RLF: variants seen among roughly 807,000 people sequenced by gnomAD.
The protein encoded by RLF is zinc finger protein Rlf.
In RLF, 7 loss-of-function variants were observed where a neutral mutation model predicts 162.9. The ratio of observed to expected loss-of-function variants is 0.04; its 90% CI spans 0.02 to 0.08. RLF has a LOEUF of 0.08. Among genes scored for constraint, RLF ranks in the 10% least tolerant of loss-of-function variants. The pLI, the probability that RLF is intolerant of heterozygous loss-of-function variation, is 1.00. For synonymous variants in RLF, 782 were observed against 791.5 expected, an observed-to-expected ratio of 0.99 and a Z score of 0.20; for missense variants, 1,664 against 2,244.7, an observed-to-expected ratio of 0.74 and a Z score of 5.23.
intron 5 of RLF, among the ~76,000 whole-genome samples, chr1:40,208,190 T>G (rs1205605980): frequency 2.0e-5 from 3 of 152,134 alleles, no homozygotes; most frequent in Non-Finnish European, 2.9e-5. Context: ...AGAATGCTAG[T>G]CATCTTTGTT....
rs369424534 is a variant in RLF, at chr1:40,237,787, C to G, written c.3085C>G (p.His1029Asp). 18 of 1,613,958 alleles carry G rather than the reference C, an allele frequency of 1.1e-5. No individual in the cohort carries two copies. The highest frequency in any genetic ancestry group is 1.2e-5 in the Non-Finnish European group (14 of 1,180,012). ...NSDSPDEGLD[H>D]NIHIKCKREH... ...TGACTCCCCAGATGAAGGTCTAGAT[C>G]ACAATATTCACATTAAATGTAAACG... Residue 1029 changes from histidine (H) to aspartate (D), a missense_variant, in exon 8 of 8, where the codon CAC (histidine) becomes GAC (aspartate). His to Asp is a moderately conservative substitution (Grantham distance 81, BLOSUM62 -1). Transcript: ENST00000372771. The surrounding 1 kb of genome is among the most constrained non-coding windows in gnomAD (Gnocchi z 4.4).
At chr1:40,226,434 A>T (rs1018809999) in intron 6 of RLF, among the ~76,000 whole-genome samples, 2 of 152,194 alleles carry the variant, frequency 1.3e-5, no homozygotes, top group Non-Finnish European at 2.9e-5. Flanking sequence ...TGAGTATTTG[A>T]TAGACTGGCC....
chr1:40,216,496 A>G (rs973702985), intron 5 of RLF, among the ~76,000 whole-genome samples: 5 of 150,230 alleles, frequency 3.3e-5, no homozygotes, highest in African/African-American at 9.7e-5. Flanking sequence ...CTAAAAAAAA[A>G]AAAAAGAGAG....
At chr1:40,186,579 C>A (rs1188869740) in intron 1 of RLF, among the ~76,000 whole-genome samples, 2 of 152,142 alleles carry the variant, frequency 1.3e-5, no homozygotes, top group African/African-American at 4.8e-5. Context: ...GAAAGACTAA[C>A]CCCATCTGTA....
chr1:40,198,128 C>G (rs547088161), intron 4 of RLF, among the ~76,000 whole-genome samples: 1 of 151,642 alleles, frequency 6.6e-6, no homozygotes, highest in Non-Finnish European at 1.5e-5. Flanking sequence ...CTTAGCCTCT[C>G]GAATAGCTGG....
At chr1:40,178,641 T>TG (rs1055491374) in intron 1 of RLF, among the ~76,000 whole-genome samples, 6 of 148,722 alleles carry the variant, frequency 4.0e-5, no homozygotes, top group African/African-American at 1.5e-4. Flanking sequence ...TGTTTTTTTT[T>TG]TTTTTTTGGA....
At position 40,240,546 on chromosome 1, in the gene RLF, A is replaced by G; in HGVS notation, c.*99A>G. 1 of 788,998 alleles carries G rather than the reference A, an allele frequency of 1.3e-6. No homozygotes were observed. Among genetic ancestry groups the G allele is most frequent in the Non-Finnish European group, 2.1e-6 (1 of 477,396 alleles). The allele number at this position is 788,998 out of a possible 1,614,324, so 48.9% of individuals were successfully genotyped here. On this transcript the variant is annotated 3_prime_UTR_variant, in exon 8 of 8. Transcript: ENST00000372771. ...CTGAGAAGCAGCCACACCGTTGTTTAGGGTAGAATAGGCTGTGTATTTACA... is the reference window on the plus strand; with the variant it reads ...CTGAGAAGCAGCCACACCGTTGTTTGGGGTAGAATAGGCTGTGTATTTACA...
intron 1 of RLF, among the ~76,000 whole-genome samples, chr1:40,167,656 T>A (rs1207099051): frequency 6.6e-6 from 1 of 151,826 alleles, no homozygotes; most frequent in Non-Finnish European, 1.5e-5. Flanking sequence ...CTTGACTGTC[T>A]TATCTAAAAT....
Position 40,237,778 on chromosome 1 carries a change from G to T in RLF, c.3076G>T (p.Gly1026Cys). 6.2e-7 allele frequency: 1 copy of T among 1,614,000 alleles called. No homozygotes were observed. Among genetic ancestry groups the T allele is most frequent in the South Asian group, 1.1e-5 (1 of 91,072 alleles). The change falls in exon 8 of 8, where the codon GGT becomes TGT. Residue 1026 changes from glycine to cysteine, a missense_variant. Physicochemically the swap from Gly to Cys is radical, Grantham distance 159 (BLOSUM62 -3). This residue lies in a region of RLF where 295 missense variants were observed against 317.4 expected (regional missense o/e 0.93). Transcript: ENST00000372771. The surrounding 1 kb of genome is among the most constrained non-coding windows in gnomAD (Gnocchi z 4.4). ...TACAAACAGTGACTCCCCAGATGAA[G>T]GTCTAGATCACAATATTCACATTAA... ...SDTNSDSPDE[G>C]LDHNIHIKCK...
At position 40,202,572 on chromosome 1, in the gene RLF, A is replaced by G. The variant is rs112377652; in HGVS notation, c.768A>G (p.Thr256=). ...NVSSFQQAYI[T]CLCSMLPNED... is the part of the protein sequence containing the mutation. ...CATCTTTTCAGCAAGCCTATATCACATGTTTATGTTCTATGCTCCCTAATG... is the reference window on the plus strand; with the variant it reads ...CATCTTTTCAGCAAGCCTATATCACGTGTTTATGTTCTATGCTCCCTAATG... The change falls in exon 5 of 8, where the codon ACA becomes ACG. Residue 256 remains threonine (T), a synonymous_variant. Coordinates refer to ENST00000372771, the MANE Select transcript of RLF (RefSeq NM_012421.4). 9.7e-4 allele frequency: 1,511 copies of G among 1,559,008 alleles called. 12 individuals are homozygous for G. In the African/African-American group the frequency reaches 0.018, roughly 19 times the overall value.
At chr1:40,178,636 T>G (rs896964840) in intron 1 of RLF, among the ~76,000 whole-genome samples, 11 of 147,352 alleles carry the variant, frequency 7.5e-5, no homozygotes, top group Non-Finnish European at 1.5e-4. Context: ...TTTTTTGTTT[T>G]TTTTTTTTTT....
intron 6 of RLF, among the ~76,000 whole-genome samples, chr1:40,230,437 GTTTT>G (rs1643138125): frequency 6.6e-6 from 1 of 151,880 alleles, no homozygotes. Context: ...TTGTTTGTTT[GTTTT>G]GTTTTTTTGA....
At chr1:40,178,389 G>A (rs1197860829) in intron 1 of RLF, among the ~76,000 whole-genome samples, 2 of 151,946 alleles carry the variant, frequency 1.3e-5, no homozygotes, top group Non-Finnish European at 2.9e-5. Context: ...GGTTGCCAAG[G>A]GCTAGAAGGA....
At chr1:40,168,718 C>T (rs1642198897) in intron 1 of RLF, among the ~76,000 whole-genome samples, 1 of 152,024 alleles carries the variant, frequency 6.6e-6, no homozygotes, top group Non-Finnish European at 1.5e-5. Flanking sequence ...TTTGGCCGTG[C>T]ACGGTGGCTC....
intron 1 of RLF, among the ~76,000 whole-genome samples, chr1:40,184,090 G>A (rs1329468215): frequency 2.0e-5 from 3 of 152,118 alleles, no homozygotes; most frequent in Non-Finnish European, 2.9e-5. Flanking sequence ...AAGGGTGAGG[G>A]GAGATTTTTT....
At chr1:40,226,287 A>G (rs1456047868) in intron 6 of RLF, among the ~76,000 whole-genome samples, 1 of 152,220 alleles carries the variant, frequency 6.6e-6, no homozygotes, top group African/African-American at 2.4e-5. Flanking sequence ...CTCAGTGGTA[A>G]CGTAATTGGA....
rs771478166 is a variant in RLF at position 40,239,216 on chromosome 1, A to G, written c.4514A>G (p.Gln1505Arg). 1 of 1,614,074 alleles carries G rather than the reference A, an allele frequency of 6.2e-7. No individual in the cohort carries two copies. The highest frequency in any genetic ancestry group is 8.5e-7 in the Non-Finnish European group (1 of 1,180,046). The stretch of plus-strand genomic sequence containing the variant: ...GCTGATACTCAGGGGCATGAACATC[A>G]GACCACCAGGAGATCATTTAATGCT... ...QTADTQGHEH[Q>R]TTRRSFNAKS... Residue 1505 changes from glutamine to arginine, a missense_variant, in exon 8 of 8, where the codon CAG becomes CGG. Transcript: ENST00000372771.
chr1:40,172,050 A>T (rs1249591511), intron 1 of RLF, among the ~76,000 whole-genome samples: 1 of 152,204 alleles, frequency 6.6e-6, no homozygotes, highest in African/African-American at 2.4e-5. Flanking sequence ...ATATGTGTAG[A>T]CTTACTGTAT....
At chr1:40,215,353 G>T (rs1642912342) in intron 5 of RLF, among the ~76,000 whole-genome samples, 1 of 152,128 alleles carries the variant, frequency 6.6e-6, no homozygotes, top group Admixed American at 6.6e-5. Flanking sequence ...AATGCACATG[G>T]TCTATTCTCC....
Sources: gnomAD v4.1 joint callset for allele counts (sites outside exome capture counted in the v4.1 genomes callset) on GRCh38, gnomAD v4.1.1 for gene constraint, gnomAD v4.1.1 regional missense constraint, Gnocchi (gnomAD v3.1) non-coding constraint, MANE v1.5 for transcripts, NCBI Gene and HGNC (gene_info 2026-07-23, HGNC 2026-07-21) for gene names.